Variants in SHMT2 observed in about 807,000 individuals in gnomAD.
SHMT2 encodes the protein serine hydroxymethyltransferase 2.
In SHMT2, 38 loss-of-function variants were observed where a neutral mutation model predicts 59.6. The ratio of observed to expected loss-of-function variants is 0.64; its 90% CI spans 0.49 to 0.84. SHMT2 has a LOEUF of 0.84. SHMT2 is among the 40% of genes least tolerant of loss of function. The pLI is 0.00. For synonymous variants in SHMT2, 254 were observed against 258.1 expected (o/e 0.98, Z 0.15); for missense variants, 533 against 659.5 (o/e 0.81, Z 2.10).
At chr12:57,232,915 A>C (rs2037387384) in intron 7 of SHMT2, 72 bp downstream of exon 7, 8 of 1,553,788 alleles carry the variant, frequency 5.1e-6, no homozygotes, top group Non-Finnish European at 7.0e-6. Flanking sequence ...GTTGGCCTGG[A>C]CCTGAGAGGA....
In SHMT2 at chr12:57,230,243, G is replaced by A. The variant is rs1011273371; in HGVS notation, c.33+432G>A. The stretch of plus-strand genomic sequence containing the variant: ...AGTGAGGGCTGGAAGGAGGTGGAAC[G>A]GGTAGGGGGCTAAGTAAGGGGAAAG... On this transcript the variant is annotated intron_variant, in intron 1 of 11. Transcript: ENST00000328923. 7.3e-6 allele frequency: 9 copies of A among 1,226,010 alleles called. No homozygotes were observed. In the Admixed American group the frequency reaches 1.9e-4, roughly 27 times the overall value. 75.9% of individuals were successfully genotyped at this position (1,226,010 alleles called of 1,614,324 possible).
At chr12:57,230,274 T>C in intron 1 of SHMT2, 2 of 1,182,064 alleles carry the variant, frequency 1.7e-6, no homozygotes, top group East Asian at 6.4e-5. Flanking sequence ...GAAAGGGTAT[T>C]GGCTTACTCT....
intron 3 of SHMT2, 29 bp from the exon 4 acceptor site, chr12:57,231,684 G>C (rs1406058586): frequency 6.2e-7 from 1 of 1,613,502 alleles, no homozygotes; most frequent in Non-Finnish European, 8.5e-7. Context: ...TCCTTTCTCT[G>C]TGCCCTCATT....
At chr12:57,230,464 T>G in intron 1 of SHMT2, 1 of 1,199,866 alleles carries the variant, frequency 8.3e-7, no homozygotes. Context: ...CTTGTTCCTG[T>G]GGGTGGGAAG....
In SHMT2 at chr12:57,234,853, T is replaced by C. The variant is rs547631718; in HGVS notation, c.*492T>C. ...ACCCCCGGGGCTGCAGCCTCCTCTT[T>C]CTGTCTCTGATCAGAGCCGACACCA... On this transcript the variant is annotated 3_prime_UTR_variant, in exon 12 of 12. Coordinates refer to ENST00000328923, the MANE Select transcript of SHMT2 (RefSeq NM_005412.6). 14 of 157,280 alleles carry C rather than the reference T, an allele frequency of 8.9e-5. No individual in the cohort carries two copies. In the South Asian group the frequency reaches 2.6e-3, roughly 29 times the overall value. 9.7% of individuals were successfully genotyped at this position (157,280 alleles called of 1,614,324 possible). A position where few individuals can be genotyped will look rare whatever the true frequency, so the allele number is the denominator to read the frequency against.
In SHMT2 at chr12:57,234,829, C is replaced by A. The variant is rs2037488614; in HGVS notation, c.*468C>A. On this transcript the variant is annotated 3_prime_UTR_variant, in exon 12 of 12. Transcript: ENST00000328923. Reference sequence around the variant, plus strand: ...GCTCCCACCACCGCTACCACAAGGACCCCCGGGGCTGCAGCCTCCTCTTTC... The same window carrying A: ...GCTCCCACCACCGCTACCACAAGGAACCCCGGGGCTGCAGCCTCCTCTTTC... 1 of 156,186 alleles carries A rather than the reference C, an allele frequency of 6.4e-6. No homozygotes were observed. The highest frequency in any genetic ancestry group is 1.4e-5 in the Non-Finnish European group (1 of 70,574). The allele number at this position is 156,186 out of a possible 1,614,324, so 9.7% of individuals were successfully genotyped here. A position where few individuals can be genotyped will look rare whatever the true frequency, so the allele number is the denominator to read the frequency against.
rs1303561812 is a variant in SHMT2 at position 57,233,371 on chromosome 12, G to T, written c.1023+26G>T. 3.2e-6 allele frequency: 5 copies of T among 1,570,244 alleles called. No individual in the cohort carries two copies. The South Asian group carries it at 5.8e-5, about 18-fold the overall frequency. On this transcript the variant is annotated intron_variant, in intron 8 of 11. Transcript: ENST00000328923. ...GTTGGGGATCCTGTCTTTGTAGGGT[G>T]TGGGGGGGCAATGGCCTGGAGGCTT...
intron 6 of SHMT2, 64 bp from the exon 7 acceptor site, chr12:57,232,640 G>T: frequency 6.2e-7 from 1 of 1,610,816 alleles, no homozygotes; most frequent in South Asian, 1.1e-5. Context: ...TGGGAGGAGG[G>T]CAGCCTTGGG....
At chr12:57,231,643 A>G (rs2037321703) in intron 3 of SHMT2, 70 bp from the exon 4 acceptor site, 1 of 1,611,686 alleles carries the variant, frequency 6.2e-7, no homozygotes, top group African/African-American at 1.3e-5. Context: ...TTGAGGAGTG[A>G]ACTTCCCAGT....
In SHMT2 at chr12:57,230,154, C is replaced by A. The variant is rs747122200; in HGVS notation, c.33+343C>A. The A allele has an allele frequency of 3.0e-6, 4 of 1,312,706 alleles. No individual in the cohort carries two copies. The Admixed American group carries it at 1.1e-4, about 38-fold the overall frequency. 81.3% of individuals were successfully genotyped at this position (1,312,706 alleles called of 1,614,324 possible). On this transcript the variant is annotated intron_variant, in intron 1 of 11. Coordinates refer to ENST00000328923, the MANE Select transcript of SHMT2 (RefSeq NM_005412.6). ...TCACAAGCTGAGCCTTTCCGGCCAG[C>A]TCTGAGCCCTGCAGATGATGCAACC...
Position 57,233,840 on chromosome 12 carries a change from C to G in SHMT2, c.1215C>G (p.Ile405Met), listed in dbSNP as rs749288927. 6.2e-7 allele frequency: 1 copy of G among 1,614,242 alleles called. No individual in the cohort carries two copies. Among genetic ancestry groups the G allele is most frequent in the Admixed American group, 1.7e-5 (1 of 60,032 alleles). Residue 405 changes from isoleucine (I) to methionine (M), a missense_variant, in exon 10 of 12, where the codon ATC (isoleucine) becomes ATG (methionine). Transcript: ENST00000328923. ...AGCGGGTGCTAGAGCTTGTATCCAT[C>G]ACTGCCAACAAGAACACCTGTCCTG... is the stretch of plus-strand genomic sequence containing the variant. ...RAERVLELVS[I>M]TANKNTCPGD...
chr12:57,233,833 T>C lies in SHMT2; in HGVS notation c.1208T>C (p.Val403Ala). ...GARAERVLEL[V>A]SITANKNTCP... ...CGGGCTGAGCGGGTGCTAGAGCTTG[T>C]ATCCATCACTGCCAACAAGAACACC... is the stretch of plus-strand genomic sequence containing the variant. Residue 403 changes from valine (V) to alanine (A), a missense_variant, in exon 10 of 12, where the codon GTA becomes GCA. Coordinates refer to ENST00000328923, the MANE Select transcript of SHMT2 (RefSeq NM_005412.6). The C allele has an allele frequency of 6.2e-7, 1 of 1,614,192 alleles. No individual in the cohort carries two copies.
chr12:57,232,870 C>T, intron 7 of SHMT2, 27 bp downstream of exon 7: 1 of 1,593,162 alleles, frequency 6.3e-7, no homozygotes, highest in Non-Finnish European at 8.6e-7. Context: ...TCGGGCCTTG[C>T]CTTTCCCTGC....
chr12:57,232,869 G>A lies in SHMT2; in HGVS notation c.857+26G>A. ...GTCAGGCTCCCTGAGGTCGGGCCTTGCCTTTCCCTGCCTTCAGGCCTATTC... is the reference window on the plus strand; with the variant it reads ...GTCAGGCTCCCTGAGGTCGGGCCTTACCTTTCCCTGCCTTCAGGCCTATTC... On this transcript the variant is annotated intron_variant, in intron 7 of 11. Transcript: ENST00000328923. 3 of 1,593,562 alleles carry A rather than the reference G, an allele frequency of 1.9e-6. No individual in the cohort carries two copies. The South Asian group carries it at 3.3e-5, about 18-fold the overall frequency.
chr12:57,233,144 T>C, intron 7 of SHMT2, 36 bp from the exon 8 acceptor site: 1 of 1,513,436 alleles, frequency 6.6e-7, no homozygotes, highest in Non-Finnish European at 8.9e-7. Flanking sequence ...TGTCCTTCTT[T>C]TCAGCTTAGA....
chr12:57,233,306 C>G lies in SHMT2; in HGVS notation c.984C>G (p.His328Gln), dbSNP rs758693175. 6.2e-7 allele frequency: 1 copy of G among 1,601,596 alleles called. No individual in the cohort carries two copies. The highest frequency in any genetic ancestry group is 1.1e-5 in the South Asian group (1 of 89,974). Residue 328 changes from histidine (H) to glutamine (Q), a missense_variant, in exon 8 of 12, where the codon CAC becomes CAG. By Grantham distance (24) the His-to-Gln change is conservative (BLOSUM62 0). Transcript: ENST00000328923. ...AVFPSLQGGPHNHAIAAVAVA... is the reference protein window; with the variant it reads ...AVFPSLQGGPQNHAIAAVAVA... ...TCCCATCCCTGCAGGGGGGCCCCCA[C>G]AATCATGCCATTGCTGCAGTAGCTG... is the stretch of plus-strand genomic sequence containing the variant.
At chr12:57,230,200 G>C in intron 1 of SHMT2, 1 of 1,280,776 alleles carries the variant, frequency 7.8e-7, no homozygotes, top group Non-Finnish European at 1.0e-6. Flanking sequence ...GCTTGCATCA[G>C]GCAGGGGTCC....
At chr12:57,233,379 G>T in intron 8 of SHMT2, 34 bp downstream of exon 8, 2 of 1,561,384 alleles carry the variant, frequency 1.3e-6, no homozygotes, top group Non-Finnish European at 1.7e-6. Flanking sequence ...GTGTGGGGGG[G>T]CAATGGCCTG....
chr12:57,230,125 G>C, intron 1 of SHMT2: 1 of 1,326,640 alleles, frequency 7.5e-7, no homozygotes, highest in Non-Finnish European at 9.7e-7. Context: ...TTTTCGGCCT[G>C]GTCTCACAAG....
Sources: allele counts gnomAD v4.1 joint callset, GRCh38; gene constraint gnomAD v4.1.1; transcripts MANE v1.5; gene names NCBI Gene and HGNC (gene_info 2026-07-23, HGNC 2026-07-21).